Variants in THRAP3 observed in about 807,000 individuals in gnomAD.
THRAP3 encodes thyroid hormone receptor-associated protein 3.
A neutral mutation model predicts 101.0 loss-of-function variants in THRAP3; 16 were observed. The ratio of observed to expected loss-of-function variants is 0.16; its 90% CI spans 0.11 to 0.24. The LOEUF (loss-of-function observed/expected upper bound fraction) is 0.24. Among genes scored for constraint, THRAP3 ranks in the 10% least tolerant of loss-of-function variants. The pLI is 1.00. For synonymous variants in THRAP3, 407 were observed against 422.6 expected (o/e 0.96, Z 0.45); for missense variants, 989 against 1,202.7 (o/e 0.82, Z 2.63).
At chr1:36,272,036 A>G (rs549968140) in intron 2 of THRAP3, among the ~76,000 whole-genome samples, 1 of 151,770 alleles carries the variant, frequency 6.6e-6, no homozygotes, top group African/African-American at 2.4e-5. Context: ...GGCCCTGGAT[A>G]ATTTTTTTAT....
intron 1 of THRAP3, among the ~76,000 whole-genome samples, chr1:36,233,293 G>A (rs1317796986): frequency 6.6e-6 from 1 of 151,482 alleles, no homozygotes; most frequent in African/African-American, 2.4e-5. Context: ...GGATCACGAG[G>A]TCAGGAGATC....
chr1:36,221,211 C>T (rs921356469), upstream of THRAP3, among the ~76,000 whole-genome samples: 22 of 144,314 alleles, frequency 1.5e-4, no homozygotes, highest in African/African-American at 5.4e-4. Context: ...AAAAAAGCTG[C>T]GAACATTGTT....
At chr1:36,285,106 G>A (rs1645779215) in intron 3 of THRAP3, among the ~76,000 whole-genome samples, 1 of 151,910 alleles carries the variant, frequency 6.6e-6, no homozygotes, top group African/African-American at 2.4e-5. Context: ...TAAAAATACT[G>A]TTTTGTTTAG....
chr1:36,298,343 T>G (rs1377316798), intron 9 of THRAP3, among the ~76,000 whole-genome samples: 1 of 152,058 alleles, frequency 6.6e-6, no homozygotes, highest in African/African-American at 2.4e-5. Flanking sequence ...GGGCCGCCAC[T>G]TAGAAGTGGA....
At chr1:36,228,354 A>AT (rs1644986583) in intron 1 of THRAP3, among the ~76,000 whole-genome samples, 1 of 152,180 alleles carries the variant, frequency 6.6e-6, no homozygotes, top group Non-Finnish European at 1.5e-5. Context: ...AATAGCTGGA[A>AT]TTATAGGCAT....
chr1:36,293,946 G>T lies in THRAP3; in HGVS notation c.2115+11G>T. 1.2e-6 allele frequency: 2 copies of T among 1,611,496 alleles called. No homozygotes were observed. Among genetic ancestry groups the T allele is most frequent in the Non-Finnish European group, 1.7e-6 (2 of 1,178,038 alleles). The stretch of plus-strand genomic sequence containing the variant: ...GAACCTGGCTACAAGGTGAACTGTT[G>T]ATTTGATCAGTAATTCCAACAAAAT... On this transcript the variant is annotated intron_variant, in intron 8 of 11. Coordinates refer to ENST00000354618, the MANE Select transcript of THRAP3 (RefSeq NM_005119.4).
At chr1:36,292,467 TC>T (rs1645888331) in intron 6 of THRAP3, 130 bp from the exon 7 acceptor site, 2 of 593,114 alleles carry the variant, frequency 3.4e-6, no homozygotes, top group Non-Finnish European at 6.0e-6. Context: ...AGACGGGGTT[TC>T]ACCGTGTTAG....
upstream of THRAP3, among the ~76,000 whole-genome samples, chr1:36,221,365 A>G (rs1044990894): frequency 3.9e-5 from 6 of 152,060 alleles, no homozygotes; most frequent in African/African-American, 4.8e-5. Flanking sequence ...GAAATCTTTC[A>G]TGAAAGAAAT....
At position 36,304,368 on chromosome 1, in the gene THRAP3, C is replaced by G. The variant is rs1646069580; in HGVS notation, c.*351C>G. The stretch of plus-strand genomic sequence containing the variant: ...GAAACCAACAGTTTTGTTCTAATTT[C>G]ATTTCATTTGGAGCTAAGATGACTA... On this transcript the variant is annotated 3_prime_UTR_variant, in exon 12 of 12. Coordinates refer to ENST00000354618, the MANE Select transcript of THRAP3 (RefSeq NM_005119.4). 1 of 241,850 alleles carries G rather than the reference C, an allele frequency of 4.1e-6. No individual in the cohort carries two copies. 15.0% of individuals were successfully genotyped at this position (241,850 alleles called of 1,614,324 possible).
chr1:36,214,175 C>G, the THRAP3 span, among the ~76,000 whole-genome samples: 1 of 152,234 alleles, frequency 6.6e-6, no homozygotes, highest in Non-Finnish European at 1.5e-5. Flanking sequence ...AGACAAAGAA[C>G]AAACTAGTTG....
intron 2 of THRAP3, among the ~76,000 whole-genome samples, chr1:36,275,964 A>G (rs1295284804): frequency 6.6e-6 from 1 of 152,166 alleles, no homozygotes; most frequent in Non-Finnish European, 1.5e-5. Context: ...GGCTGCAGTG[A>G]GTTGAGATTG....
intron 1 of THRAP3, among the ~76,000 whole-genome samples, chr1:36,256,813 A>G (rs1167322160): frequency 6.6e-6 from 1 of 151,218 alleles, no homozygotes; most frequent in Admixed American, 6.6e-5. Context: ...TTTTTTTTTG[A>G]GACAAGAGTT....
At chr1:36,252,972 A>G (rs972029235) in intron 1 of THRAP3, among the ~76,000 whole-genome samples, 1 of 128,260 alleles carries the variant, frequency 7.8e-6, no homozygotes, top group Non-Finnish European at 1.7e-5. Flanking sequence ...ATATATATAA[A>G]TGTAAATAAT....
intron 2 of THRAP3, among the ~76,000 whole-genome samples, chr1:36,281,134 T>C (rs1645726660): frequency 6.6e-6 from 1 of 152,092 alleles, no homozygotes; most frequent in Non-Finnish European, 1.5e-5. Flanking sequence ...CTTGAACTCC[T>C]GATCTCAGGT....
chr1:36,236,278 G>C (rs557753047), intron 1 of THRAP3, among the ~76,000 whole-genome samples: 109 of 150,466 alleles, frequency 7.2e-4, no homozygotes, highest in African/African-American at 2.6e-3. Context: ...AAACCTTTAT[G>C]TCTCTCCATT....
rs1412905077 is a variant in THRAP3 at position 36,292,256 on chromosome 1, CTTTGTTTCTT to C, written c.1919-338_1919-329del. Among the ~76,000 whole-genome samples the C allele has an allele frequency of 5.9e-3, 322 of 54,478 alleles. 1 individual carries two copies. Among genetic ancestry groups the C allele is most frequent in the East Asian group, 9.1e-3 (10 of 1,102 alleles). The allele number at this position is 54,478 out of a possible 152,430, so 35.7% of individuals were successfully genotyped here. On this transcript the variant is annotated intron_variant, in intron 6 of 11. Coordinates refer to ENST00000354618, the MANE Select transcript of THRAP3 (RefSeq NM_005119.4). ...CTGCCTTTGGTAACATAATGTGTTT[CTTTGTTTCTT>C]TTTTTTTTTTTTTTTTTTTTTTTGA...
intron 1 of THRAP3, among the ~76,000 whole-genome samples, chr1:36,230,207 C>T (rs892651742): frequency 1.3e-5 from 2 of 151,838 alleles, no homozygotes; most frequent in Non-Finnish European, 2.9e-5. Context: ...CAACTTCCAC[C>T]TCCCGGGTTC....
At chr1:36,253,515 T>C (rs1277842631) in intron 1 of THRAP3, among the ~76,000 whole-genome samples, 1 of 152,244 alleles carries the variant, frequency 6.6e-6, no homozygotes, top group Non-Finnish European at 1.5e-5. Context: ...TGACATTTCT[T>C]GAAATTGAAA....
In THRAP3 at chr1:36,304,446, C is replaced by CTTT. The variant is rs78206872; in HGVS notation, c.*444_*446dup. 350 of 183,590 alleles carry CTTT rather than the reference C, an allele frequency of 1.9e-3. 2 individuals are homozygous for CTTT. The highest frequency in any genetic ancestry group is 0.015 in the East Asian group (191 of 12,552). The allele number at this position is 183,590 out of a possible 1,614,324, so 11.4% of individuals were successfully genotyped here. ...CTGTCCTGATTTTAAAAGCCCCCTC[C>CTTT]TTTTTTTTTTTTTTTTTCTTTTTTT... is the stretch of plus-strand genomic sequence containing the variant. On this transcript the variant is annotated 3_prime_UTR_variant, in exon 12 of 12. Coordinates refer to ENST00000354618, the MANE Select transcript of THRAP3 (RefSeq NM_005119.4).
Sources: gnomAD v4.1 joint callset for allele counts (sites outside exome capture counted in the v4.1 genomes callset) on GRCh38, gnomAD v4.1.1 for gene constraint, MANE v1.5 for transcripts, NCBI Gene and HGNC (gene_info 2026-07-23, HGNC 2026-07-21) for gene names.